KIAA1549L: variants seen among roughly 807,000 people sequenced by gnomAD.
KIAA1549L encodes the protein UPF0606 protein KIAA1549L.
A neutral mutation model predicts 160.7 loss-of-function variants in KIAA1549L; 88 were observed. The ratio of observed to expected loss-of-function variants is 0.55; its 90% CI spans 0.46 to 0.65. The LOEUF (loss-of-function observed/expected upper bound fraction) is 0.65. KIAA1549L is among the 30% of genes least tolerant of loss of function. The pLI, the probability that KIAA1549L is intolerant of heterozygous loss-of-function variation, is 0.00. For synonymous variants in KIAA1549L, 950 were observed against 976.7 expected (o/e 0.97, Z 0.51); for missense variants, 2,258 against 2,437.5 (o/e 0.93, Z 1.55).
intron 12 of KIAA1549L, among the ~76,000 whole-genome samples, chr11:33,595,160 A>G (rs1270896135): frequency 2.0e-5 from 3 of 152,208 alleles, no homozygotes; most frequent in Non-Finnish European, 4.4e-5. Flanking sequence ...AAGAAATATT[A>G]ACTGATGAAA....
intron 3 of KIAA1549L, among the ~76,000 whole-genome samples, chr11:33,546,161 A>C (rs868336888): frequency 6.6e-6 from 1 of 152,258 alleles, no homozygotes; most frequent in African/African-American, 2.4e-5. Context: ...GAGCATGCCA[A>C]TGTTGAATGC....
In KIAA1549L at chr11:33,583,267, G is replaced by A. The variant is rs569976217; in HGVS notation, c.4403-71G>A. On this transcript the variant is annotated intron_variant, in intron 10 of 20. Coordinates refer to ENST00000658780, the MANE Select transcript of KIAA1549L (RefSeq NM_012194.3). The stretch of plus-strand genomic sequence containing the variant: ...TCCAGGACTTGGGACTGGGGTGGGG[G>A]GTTATGTCTGGGTTGCTTTCCTCTT... 1.3e-3 allele frequency: 1,766 copies of A among 1,410,008 alleles called. 2 individuals carry two copies. The highest frequency in any genetic ancestry group is 1.5e-3 in the Non-Finnish European group (1,546 of 1,030,786). 87.3% of individuals were successfully genotyped at this position (1,410,008 alleles called of 1,614,324 possible).
chr11:33,596,858 G>T (rs558136066), intron 12 of KIAA1549L, among the ~76,000 whole-genome samples: 1 of 152,166 alleles, frequency 6.6e-6, no homozygotes, highest in African/African-American at 2.4e-5. Flanking sequence ...CCAGTTGGGA[G>T]AGTAGGTGCC....
Position 33,658,862 on chromosome 11 carries a change from G to A in KIAA1549L, c.5971G>A (p.Val1991Met), listed in dbSNP as rs190027552. Residue 1991 changes from valine (V) to methionine (M), a missense_variant, in exon 19 of 21, where the codon GTG becomes ATG. Transcript: ENST00000658780. ...GCAGATGTCCAGAGGCCCTGTGTCCGTGACGCAGTTGGATCAGTCGGCTTT... is the reference window on the plus strand; with the variant it reads ...GCAGATGTCCAGAGGCCCTGTGTCCATGACGCAGTTGGATCAGTCGGCTTT... ...FTQMSRGPVS[V>M]TQLDQSALNY... The A allele has an allele frequency of 1.3e-4, 200 of 1,561,344 alleles. 1 individual carries two copies. The highest frequency in any genetic ancestry group is 1.6e-4 in the Non-Finnish European group (187 of 1,152,886).
chr11:33,541,685 C>T (rs1159737178), intron 1 of KIAA1549L, 117 bp from the exon 2 acceptor site: 1 of 156,060 alleles, frequency 6.4e-6, no homozygotes, highest in African/African-American at 2.4e-5. Flanking sequence ...TTTCCTGAGC[C>T]TTCTGTGATG....
intron 1 of KIAA1549L, among the ~76,000 whole-genome samples, chr11:33,436,484 G>A (rs1372128655): frequency 6.6e-6 from 1 of 152,206 alleles, no homozygotes; most frequent in African/African-American, 2.4e-5. Flanking sequence ...CCCCTGCTGG[G>A]GGAGGGCAGT....
At chr11:33,569,506 A>C (rs1855170488) in intron 9 of KIAA1549L, among the ~76,000 whole-genome samples, 1 of 152,162 alleles carries the variant, frequency 6.6e-6, no homozygotes, top group Non-Finnish European at 1.5e-5. Context: ...ACTGTCTAAG[A>C]GTAAGCATTT....
intron 1 of KIAA1549L, among the ~76,000 whole-genome samples, chr11:33,397,159 C>T (rs770913990): frequency 1.4e-4 from 20 of 146,158 alleles, no homozygotes; most frequent in South Asian, 8.7e-4. Context: ...GGTGAAACCC[C>T]GTCTCTACTA....
intron 1 of KIAA1549L, among the ~76,000 whole-genome samples, chr11:33,408,506 T>TAC (rs1850718027): frequency 6.7e-6 from 1 of 149,084 alleles, no homozygotes; most frequent in Non-Finnish European, 1.5e-5. Context: ...TATATATATA[T>TAC]ATATACACAT....
intron 5 of KIAA1549L, 87 bp from the exon 6 acceptor site, chr11:33,552,021 G>T (rs367763546): frequency 1.4e-6 from 2 of 1,442,522 alleles, no homozygotes; most frequent in Non-Finnish European, 1.9e-6. Flanking sequence ...ATCTAAAATC[G>T]TGCTGTTTTA....
At position 33,645,964 on chromosome 11, in the gene KIAA1549L, G is replaced by A. The variant is rs1171606914; in HGVS notation, c.5688G>A (p.Thr1896=). Residue 1896 remains threonine, a synonymous_variant, in exon 17 of 21, where the codon ACG becomes ACA. Transcript: ENST00000658780. ...EVVTSAPGTM[T]RPRAGVQWVP... ...TGACCAGCGCTCCGGGGACCATGAC[G>A]CGGCCCAGGGCCGGGGTGCAGTGGG... 1.1e-5 allele frequency: 17 copies of A among 1,612,146 alleles called. No individual in the cohort carries two copies. The highest frequency in any genetic ancestry group is 3.3e-5 in the Admixed American group (2 of 59,754).
At chr11:33,619,645 C>T (rs1178114071) in intron 16 of KIAA1549L, among the ~76,000 whole-genome samples, 4 of 152,106 alleles carry the variant, frequency 2.6e-5, no homozygotes, top group Non-Finnish European at 5.9e-5. Flanking sequence ...TTTCTAATCA[C>T]CTTCCTTATA....
chr11:33,515,325 G>A (rs975146263), intron 1 of KIAA1549L, among the ~76,000 whole-genome samples: 2 of 152,120 alleles, frequency 1.3e-5, no homozygotes, highest in Non-Finnish European at 2.9e-5. Context: ...CATGTATGTG[G>A]GCCAGACATG....
intron 15 of KIAA1549L, among the ~76,000 whole-genome samples, chr11:33,611,528 G>A (rs760451764): frequency 2.0e-5 from 3 of 152,066 alleles, no homozygotes; most frequent in Non-Finnish European, 4.4e-5. Context: ...ACAAGCTATT[G>A]ATATCAAATC....
chr11:33,610,790 G>C (rs1029457796), intron 15 of KIAA1549L, among the ~76,000 whole-genome samples: 3 of 152,220 alleles, frequency 2.0e-5, no homozygotes, highest in Admixed American at 6.5e-5. Context: ...CTGAGACTGG[G>C]TAATTTGTAA....
rs1403040836 is a variant in KIAA1549L, at chr11:33,545,369, G to A, written c.3376G>A (p.Val1126Met). 6.2e-7 allele frequency: 1 copy of A among 1,606,216 alleles called. No individual in the cohort carries two copies. The highest frequency in any genetic ancestry group is 2.2e-5 in the East Asian group (1 of 44,810). The change falls in exon 3 of 21, where the codon GTG becomes ATG. Residue 1126 changes from valine to methionine, a missense_variant. By Grantham distance (21) the Val-to-Met change is conservative. Transcript: ENST00000658780. The stretch of plus-strand genomic sequence containing the variant: ...GTGTCAGATGTCCAGTAAGCTCCTG[G>A]TGAAGACAGGTATGAGACCACTGTT... ...LECQMSSKLL[V>M]KTVLFLTQRR...
At chr11:33,397,710 TCACACACACA>T (rs71034679) in intron 1 of KIAA1549L, among the ~76,000 whole-genome samples, 55,621 of 142,830 alleles carry the variant, frequency 0.39, 12,548 homozygotes, top group Non-Finnish European at 0.51. Flanking sequence ...AGACTCCATC[TCACACACACA>T]CACACACACA....
At chr11:33,562,493 G>C (rs534176953) in intron 8 of KIAA1549L, among the ~76,000 whole-genome samples, 2 of 152,254 alleles carry the variant, frequency 1.3e-5, no homozygotes, top group East Asian at 3.9e-4. Flanking sequence ...GAAGTCTAAA[G>C]CCAAGGTGTT....
At chr11:33,460,892 G>A (rs1231133421) in intron 1 of KIAA1549L, among the ~76,000 whole-genome samples, 1 of 152,180 alleles carries the variant, frequency 6.6e-6, no homozygotes, top group African/African-American at 2.4e-5. Context: ...ATGTTTATAA[G>A]CTGAGCAAAA....
Sources: allele counts gnomAD v4.1 joint callset (sites outside exome capture counted in the v4.1 genomes callset), GRCh38; gene constraint gnomAD v4.1.1; transcripts MANE v1.5; gene names NCBI Gene and HGNC (gene_info 2026-07-23, HGNC 2026-07-21).